The following RHOT1 variants were observed in gnomAD, a reference collection of about 807,000 sequenced individuals.
The protein encoded by RHOT1 is ras homolog family member T1.
RHOT1 carries 27 observed loss-of-function variants against 95.3 expected under a neutral mutation model. The ratio of observed to expected loss-of-function variants is 0.28; its 90% CI spans 0.21 to 0.39. The LOEUF (loss-of-function observed/expected upper bound fraction) is 0.39, where lower values mean the gene tolerates loss of function less well. Among genes scored for constraint, RHOT1 ranks in the 10% least tolerant of loss-of-function variants. The probability of loss-of-function intolerance (pLI) is 1.00; values close to 1 mark genes in which losing one functional copy is unlikely to be tolerated. For missense variants in RHOT1, 578 were observed against 786.7 expected, an observed-to-expected ratio of 0.73 and a Z score of 3.17; for synonymous variants, 227 against 263.5, an observed-to-expected ratio of 0.86 and a Z score of 1.34.
intron 1 of RHOT1, among the ~76,000 whole-genome samples, chr17:32,148,125 C>T (rs1000676757): frequency 8.5e-5 from 13 of 152,056 alleles, no homozygotes; most frequent in Admixed American, 3.9e-4. Context: ...ATTAGCCAGG[C>T]GTGGTGGCAG....
In RHOT1 at chr17:32,145,310, T is replaced by A. The variant is rs903956929; in HGVS notation, c.37+2581T>A. Among the ~76,000 whole-genome samples the A allele has an allele frequency of 1.5e-4, 23 of 152,030 alleles. 1 individual carries two copies. Among genetic ancestry groups the A allele is most frequent in the African/African-American group, 5.6e-4 (23 of 41,372 alleles). On this transcript the variant is annotated intron_variant, in intron 1 of 19. Transcript: ENST00000545287. ...GTGAGACTCTGTCTCAAAAAATATA[T>A]ATATATATTGATAATAGTAAACAGG...
chr17:32,187,048 A>T (rs950747674), intron 8 of RHOT1, among the ~76,000 whole-genome samples: 1 of 151,814 alleles, frequency 6.6e-6, no homozygotes, highest in Non-Finnish European at 1.5e-5. Flanking sequence ...GCACTTTGGG[A>T]GGCTGAGGCA....
At chr17:32,156,864 T>C (rs947921820) in intron 1 of RHOT1, among the ~76,000 whole-genome samples, 2 of 152,250 alleles carry the variant, frequency 1.3e-5, no homozygotes, top group Non-Finnish European at 2.9e-5. Context: ...CATTTACCAT[T>C]TGTGTACTTA....
chr17:32,193,484 C>A lies in RHOT1; in HGVS notation c.748+240C>A, dbSNP rs1029392815. On this transcript the variant is annotated intron_variant, in intron 10 of 19. Coordinates refer to ENST00000545287, the MANE Select transcript of RHOT1 (RefSeq NM_001033566.3). Reference sequence around the variant, plus strand: ...GGTTGGATCTCAAGGATACAGAGGTCCACCTGATGGAAGGAGATATCTGGA... The same window carrying A: ...GGTTGGATCTCAAGGATACAGAGGTACACCTGATGGAAGGAGATATCTGGA... Among the ~76,000 whole-genome samples the A allele has an allele frequency of 4.6e-5, 7 of 151,934 alleles. No individual in the cohort carries two copies. The East Asian group carries it at 9.6e-4, about 21-fold the overall frequency.
At chr17:32,200,794 G>C (rs1358272015) in intron 13 of RHOT1, among the ~76,000 whole-genome samples, 162 bp from the exon 14 acceptor site, 2 of 151,672 alleles carry the variant, frequency 1.3e-5, no homozygotes, top group Admixed American at 1.3e-4. Flanking sequence ...AAAAAAGAAT[G>C]GCAGTGTAAG....
intron 1 of RHOT1, among the ~76,000 whole-genome samples, chr17:32,161,623 A>G (rs917871711): frequency 2.0e-5 from 3 of 152,188 alleles, no homozygotes; most frequent in African/African-American, 4.8e-5. Context: ...AATTCCTCTC[A>G]AGGTTATCTT....
intron 18 of RHOT1, chr17:32,209,469 T>G (rs777420781): frequency 9.8e-6 from 13 of 1,321,532 alleles, no homozygotes; most frequent in Non-Finnish European, 1.3e-5. Flanking sequence ...TCTTTATGAC[T>G]TCTGTGGGAT....
At chr17:32,149,617 A>ATGTGTGTGTG (rs1290539388) in intron 1 of RHOT1, among the ~76,000 whole-genome samples, 60 of 83,614 alleles carry the variant, frequency 7.2e-4, no homozygotes, top group African/African-American at 3.6e-3. Context: ...ATATATATAT[A>ATGTGTGTGTG]TATATATATA....
chr17:32,205,075 T>C (rs1034271802), intron 16 of RHOT1, among the ~76,000 whole-genome samples: 3 of 151,830 alleles, frequency 2.0e-5, no homozygotes, highest in Non-Finnish European at 4.4e-5. Context: ...AGTTCTGGGA[T>C]ACATGTGCAG....
chr17:32,161,201 TG>T (rs1179947241), intron 1 of RHOT1, among the ~76,000 whole-genome samples: 1 of 151,976 alleles, frequency 6.6e-6, no homozygotes, highest in South Asian at 2.1e-4. Flanking sequence ...GTTTGGTGGG[TG>T]GGGGCTAGAG....
Position 32,173,828 on chromosome 17 carries a change from A to T in RHOT1, c.97-3A>T, listed in dbSNP as rs781053254. On this transcript the variant is annotated splice_polypyrimidine_tract_variant and splice_region_variant and intron_variant, in intron 2 of 19. Coordinates refer to ENST00000545287, the MANE Select transcript of RHOT1 (RefSeq NM_001033566.3). ...TTTTTTCTATATTTGTTTGTAAATG[A>T]AGGTTCCTCCCCGGGCAGAAGAAAT... is the stretch of plus-strand genomic sequence containing the variant. 1 of 1,592,954 alleles carries T rather than the reference A, an allele frequency of 6.3e-7. No individual in the cohort carries two copies. Among genetic ancestry groups the T allele is most frequent in the East Asian group, 2.2e-5 (1 of 44,760 alleles).
intron 18 of RHOT1, among the ~76,000 whole-genome samples, chr17:32,210,392 C>T (rs1186507396): frequency 6.6e-6 from 1 of 152,194 alleles, no homozygotes; most frequent in African/African-American, 2.4e-5. Context: ...GTCAGAAAGC[C>T]TCCCTAAATT....
At chr17:32,216,038 TA>T (rs142867591) in intron 19 of RHOT1, among the ~76,000 whole-genome samples, 3 of 152,302 alleles carry the variant, frequency 2.0e-5, no homozygotes, top group African/African-American at 4.8e-5. Flanking sequence ...TTTTAAATTT[TA>T]AATATCTTTT....
chr17:32,221,374 A>T (rs1228278266), intron 19 of RHOT1, among the ~76,000 whole-genome samples: 1 of 150,514 alleles, frequency 6.6e-6, no homozygotes, highest in East Asian at 1.9e-4. Flanking sequence ...CTGTCTCAAA[A>T]AAAAAAAAAA....
At chr17:32,156,094 G>A (rs1025150433) in intron 1 of RHOT1, among the ~76,000 whole-genome samples, 13 of 152,198 alleles carry the variant, frequency 8.5e-5, no homozygotes, top group Non-Finnish European at 1.5e-5. Context: ...CATGTAAGTT[G>A]GCAAGATCTG....
intron 1 of RHOT1, chr17:32,159,927 A>G (rs2033374746): frequency 6.6e-6 from 1 of 152,396 alleles, no homozygotes; most frequent in South Asian, 2.1e-4. Flanking sequence ...CTGATCCCGC[A>G]GACCAGTGTG....
At chr17:32,173,735 C>A (rs1598350466) in intron 2 of RHOT1, 96 bp from the exon 3 acceptor site, 8 of 820,316 alleles carry the variant, frequency 9.8e-6, no homozygotes, top group Non-Finnish European at 9.9e-6. Context: ...AAAAGAAACA[C>A]TCAACCTGTG....
intron 1 of RHOT1, among the ~76,000 whole-genome samples, chr17:32,150,133 TTAGG>T (rs1386610515): frequency 6.6e-6 from 1 of 152,118 alleles, no homozygotes; most frequent in Admixed American, 6.6e-5. Context: ...TCACATAGGG[TTAGG>T]TAGGGAGGCC....
At chr17:32,175,490 CACCCACTCTGTCA>C (rs2034923035) in intron 4 of RHOT1, 128 bp downstream of exon 4, 1 of 922,018 alleles carries the variant, frequency 1.1e-6, no homozygotes, top group Non-Finnish European at 1.7e-6. Context: ...TTCACTCTGT[CACCCACTCTGTCA>C]CCCAGTGCAG....
Sources: allele counts gnomAD v4.1 joint callset (sites outside exome capture counted in the v4.1 genomes callset), GRCh38; gene constraint gnomAD v4.1.1; transcripts MANE v1.5; gene names NCBI Gene and HGNC (gene_info 2026-07-23, HGNC 2026-07-21).